DCLK1: variants seen among roughly 807,000 people sequenced by gnomAD.
The protein encoded by DCLK1 is serine/threonine-protein kinase DCLK1.
Under a neutral mutation model 86.2 loss-of-function variants are expected in DCLK1, and 16 were observed. The ratio of observed to expected loss-of-function variants is 0.19; its 90% CI spans 0.13 to 0.28. The LOEUF is 0.28. DCLK1 is among the 10% of genes least tolerant of loss of function. The pLI, the probability that DCLK1 is intolerant of heterozygous loss-of-function variation, is 1.00. For missense variants in DCLK1, 590 were observed against 940.2 expected (o/e 0.63, Z 4.87); for synonymous variants, 369 against 370.5 (o/e 1.00, Z 0.05).
intron 3 of DCLK1, among the ~76,000 whole-genome samples, chr13:36,017,225 CG>C (rs1881571320): frequency 6.6e-6 from 1 of 152,222 alleles, no homozygotes; most frequent in Non-Finnish European, 1.5e-5. Context: ...CTCCAAACTG[CG>C]GGATCTGTTC....
At chr13:35,931,658 A>G (rs1876438622) in intron 4 of DCLK1, among the ~76,000 whole-genome samples, 1 of 152,180 alleles carries the variant, frequency 6.6e-6, no homozygotes, top group African/African-American at 2.4e-5. Context: ...AGAGAAGTGC[A>G]ACCAGGATAG....
intron 4 of DCLK1, among the ~76,000 whole-genome samples, chr13:35,874,535 C>A (rs762891695): frequency 1.4e-4 from 22 of 152,124 alleles, no homozygotes; most frequent in Non-Finnish European, 2.9e-5. Context: ...CAGAGCCTGC[C>A]CAGTCTTCCC....
At chr13:36,025,380 A>G (rs1387434227) in intron 3 of DCLK1, among the ~76,000 whole-genome samples, 5 of 152,240 alleles carry the variant, frequency 3.3e-5, no homozygotes, top group African/African-American at 9.6e-5. Context: ...ATGAAGGTAT[A>G]TTCCCAAGAA....
chr13:35,937,162 A>G (rs1876809012), intron 4 of DCLK1, among the ~76,000 whole-genome samples: 1 of 150,230 alleles, frequency 6.7e-6, no homozygotes, highest in Non-Finnish European at 1.5e-5. Context: ...TTTAGTAGAT[A>G]CGGGGTTTCA....
chr13:35,973,388 G>A (rs1478061181), intron 3 of DCLK1, among the ~76,000 whole-genome samples: 5 of 152,098 alleles, frequency 3.3e-5, no homozygotes, highest in Non-Finnish European at 1.5e-5. Context: ...TCAGAGCAGG[G>A]CCCTCTTCTG....
chr13:35,932,018 G>A (rs1162308973), intron 4 of DCLK1, among the ~76,000 whole-genome samples: 5 of 152,172 alleles, frequency 3.3e-5, no homozygotes, highest in Admixed American at 6.5e-5. Flanking sequence ...GCGCCACAGG[G>A]TGCCCAGATT....
intron 3 of DCLK1, among the ~76,000 whole-genome samples, chr13:35,972,062 G>A (rs1879090893): frequency 6.6e-6 from 1 of 152,050 alleles, no homozygotes; most frequent in African/African-American, 2.4e-5. Flanking sequence ...CTCATTGATT[G>A]GTGACCACAG....
chr13:35,973,501 T>C (rs1477453384), intron 3 of DCLK1, among the ~76,000 whole-genome samples: 1 of 152,344 alleles, frequency 6.6e-6, no homozygotes, highest in Middle Eastern at 3.4e-3. Flanking sequence ...TAACAAGGCA[T>C]GCCACACACC....
chr13:35,814,853 A>G (rs1468359833), intron 11 of DCLK1, among the ~76,000 whole-genome samples: 2 of 152,224 alleles, frequency 1.3e-5, no homozygotes, highest in African/African-American at 2.4e-5. Flanking sequence ...GGGCTGCCAT[A>G]TGTATCATAT....
At position 35,837,716 on chromosome 13, in the gene DCLK1, G is replaced by T. The variant is rs1464410980; in HGVS notation, c.1120+1376C>A. On this transcript the variant is annotated intron_variant, in intron 7 of 16. Transcript: ENST00000360631. ...GACACCCATTCAAAGCACGTGGCTT[G>T]GGATTTTTTTTCCTTGACTATTCAT... 6.6e-5 allele frequency among the ~76,000 whole-genome samples: 10 copies of T among 152,058 alleles called. 1 individual carries two copies. Among genetic ancestry groups the T allele is most frequent in the Admixed American group, 1.3e-4 (2 of 15,246 alleles).
chr13:36,080,102 G>A (rs1884367699), intron 3 of DCLK1, among the ~76,000 whole-genome samples: 1 of 137,092 alleles, frequency 7.3e-6, no homozygotes, highest in Non-Finnish European at 1.6e-5. Context: ...GCCAACAAAG[G>A]AGTTATGGAA....
At chr13:35,779,745 G>A (rs1161663113) in intron 16 of DCLK1, among the ~76,000 whole-genome samples, 1 of 151,954 alleles carries the variant, frequency 6.6e-6, no homozygotes, top group East Asian at 1.9e-4. Context: ...CATTTATTGT[G>A]GTCTAATTTC....
intron 3 of DCLK1, among the ~76,000 whole-genome samples, chr13:36,082,236 G>C (rs189098354): frequency 4.4e-4 from 67 of 152,172 alleles, no homozygotes; most frequent in African/African-American, 1.6e-3. Context: ...CCTACTCAAG[G>C]TGAAGGCAGT....
chr13:36,011,796 C>G (rs1232096835), intron 3 of DCLK1, among the ~76,000 whole-genome samples: 2 of 149,794 alleles, frequency 1.3e-5, no homozygotes, highest in African/African-American at 5.0e-5. Flanking sequence ...GACTTTCTGT[C>G]TCGTTCATCT....
chr13:35,775,472 T>G (rs544424075), intron 16 of DCLK1, among the ~76,000 whole-genome samples: 4 of 152,286 alleles, frequency 2.6e-5, no homozygotes, highest in South Asian at 2.1e-4. Flanking sequence ...TCCCCGGATG[T>G]GTTATCTGCC....
At chr13:35,830,234 T>C (rs1437113646) in intron 8 of DCLK1, among the ~76,000 whole-genome samples, 1 of 151,214 alleles carries the variant, frequency 6.6e-6, no homozygotes, top group African/African-American at 2.4e-5. Context: ...AAAAAAAAAA[T>C]ACAAAAATTA....
chr13:35,886,082 G>C (rs958374881), intron 4 of DCLK1, among the ~76,000 whole-genome samples: 2 of 150,412 alleles, frequency 1.3e-5, no homozygotes, highest in African/African-American at 4.9e-5. Flanking sequence ...TGCAATCTCG[G>C]CTCACTGCAA....
chr13:36,078,800 C>T (rs772606562), intron 3 of DCLK1, among the ~76,000 whole-genome samples: 205 of 152,248 alleles, frequency 1.3e-3, no homozygotes, highest in Non-Finnish European at 2.2e-3. Flanking sequence ...CTTTACACTT[C>T]CAATTTTACG....
chr13:35,812,745 G>T (rs1300180745), intron 11 of DCLK1, among the ~76,000 whole-genome samples: 1 of 152,208 alleles, frequency 6.6e-6, no homozygotes, highest in East Asian at 1.9e-4. Context: ...AGGAGCTGTT[G>T]ATCAGGATCA....
Sources: allele counts gnomAD v4.1 joint callset (sites outside exome capture counted in the v4.1 genomes callset), GRCh38; gene constraint gnomAD v4.1.1; transcripts MANE v1.5; gene names NCBI Gene and HGNC (gene_info 2026-07-23, HGNC 2026-07-21).